Variants in CENPP observed in about 807,000 individuals in gnomAD.
CENPP encodes the protein centromere protein P.
In CENPP, 24 loss-of-function variants were observed where a neutral mutation model predicts 35.6. That is an observed-to-expected ratio of 0.67 (90% CI 0.49 to 0.95). The LOEUF (loss-of-function observed/expected upper bound fraction) is 0.95. Ranked by LOEUF, CENPP falls within the 40% of genes least tolerant of loss-of-function variation. CENPP has a pLI of 0.00. For missense variants in CENPP, 332 were observed against 345.3 expected (o/e 0.96, Z 0.31); for synonymous variants, 120 against 125.5 (o/e 0.96, Z 0.29).
intron 5 of CENPP, among the ~76,000 whole-genome samples, chr9:92,408,172 T>A (rs1337507427): frequency 2.0e-5 from 3 of 152,134 alleles, no homozygotes; most frequent in Non-Finnish European, 4.4e-5. Flanking sequence ...TCAAAACACC[T>A]GAGTTCTAGT....
intron 5 of CENPP, among the ~76,000 whole-genome samples, chr9:92,397,114 C>T (rs748279674): frequency 6.6e-6 from 1 of 151,906 alleles, no homozygotes; most frequent in East Asian, 2.0e-4. Context: ...GAGGTCAAGA[C>T]TGCAGTGAGC....
chr9:92,507,596 G>A (rs184558209), intron 5 of CENPP, among the ~76,000 whole-genome samples: 2 of 152,306 alleles, frequency 1.3e-5, no homozygotes, highest in East Asian at 1.9e-4. Flanking sequence ...TTCCATGGTG[G>A]GTGGTACCAT....
intron 5 of CENPP, among the ~76,000 whole-genome samples, chr9:92,549,642 G>A (rs1205007905): frequency 8.2e-6 from 1 of 121,294 alleles, no homozygotes. Context: ...GCATGACTCC[G>A]TCTCAAAAAA....
intron 5 of CENPP, among the ~76,000 whole-genome samples, chr9:92,409,338 G>C (rs1157811038): frequency 6.6e-6 from 1 of 152,100 alleles, no homozygotes; most frequent in Non-Finnish European, 1.5e-5. Flanking sequence ...AGGAAACCAG[G>C]GTTTTAGGTC....
intron 5 of CENPP, chr9:92,495,355 A>C: frequency 3.1e-6 from 3 of 964,898 alleles, no homozygotes; most frequent in Non-Finnish European, 2.5e-6. Flanking sequence ...GGTAGGGCCA[A>C]TACATAGTAA....
chr9:92,541,075 C>T (rs1358661382), intron 5 of CENPP, among the ~76,000 whole-genome samples: 1 of 151,908 alleles, frequency 6.6e-6, no homozygotes, highest in African/African-American at 2.4e-5. Flanking sequence ...GCCTGGCCAA[C>T]ATGGTGAAAC....
intron 5 of CENPP, among the ~76,000 whole-genome samples, chr9:92,439,253 C>G (rs1844323616): frequency 6.6e-6 from 1 of 152,000 alleles, no homozygotes; most frequent in Non-Finnish European, 1.5e-5. Flanking sequence ...GTAGACCTGG[C>G]TTTCTTGTCT....
intron 5 of CENPP, among the ~76,000 whole-genome samples, chr9:92,408,406 G>C (rs1272065348): frequency 6.6e-6 from 1 of 152,056 alleles, no homozygotes; most frequent in Non-Finnish European, 1.5e-5. Flanking sequence ...GGATGGTCTC[G>C]ATCTCTTGAT....
chr9:92,447,940 G>C (rs2131015158), intron 5 of CENPP, among the ~76,000 whole-genome samples: 1 of 152,296 alleles, frequency 6.6e-6, no homozygotes, highest in Middle Eastern at 3.4e-3. Flanking sequence ...CTGAAAGGTT[G>C]CTACTTTTGA....
chr9:92,516,950 C>G (rs1847764676), intron 5 of CENPP: 1 of 152,280 alleles, frequency 6.6e-6, no homozygotes. Context: ...CCTATCCCTT[C>G]CCAGCCAATT....
At chr9:92,360,525 C>G (rs1042680980) in intron 4 of CENPP, among the ~76,000 whole-genome samples, 2 of 151,994 alleles carry the variant, frequency 1.3e-5, no homozygotes, top group African/African-American at 4.8e-5. Flanking sequence ...TGTGATTATG[C>G]TATTGCACTT....
intron 5 of CENPP, among the ~76,000 whole-genome samples, chr9:92,492,602 C>T (rs1186771540): frequency 6.6e-6 from 1 of 152,112 alleles, no homozygotes; most frequent in African/African-American, 2.4e-5. Context: ...GTATCTTTCT[C>T]CCCTCGTTGG....
Position 92,447,064 on chromosome 9 carries a change from G to A in CENPP, c.564+67205G>A, listed in dbSNP as rs147537085. On this transcript the variant is annotated intron_variant, in intron 5 of 7. Transcript: ENST00000375587. ...TGAGTTGCTTGCATGATTCAGCTTC[G>A]AGCTTAACTTTTCCTCTTTAACATA... Among the ~76,000 whole-genome samples the A allele has an allele frequency of 1.0e-3, 155 of 152,056 alleles. 1 individual carries two copies. The highest frequency in any genetic ancestry group is 3.5e-3 in the African/African-American group (144 of 41,466).
chr9:92,477,359 C>T (rs959557595), intron 5 of CENPP, among the ~76,000 whole-genome samples: 2 of 152,162 alleles, frequency 1.3e-5, no homozygotes, highest in African/African-American at 4.8e-5. Context: ...GCTCCTGACT[C>T]CTTAAGGTTT....
rs570672067 is a variant in CENPP at position 92,374,053 on chromosome 9, G to A, written c.468-5710G>A. Among the ~76,000 whole-genome samples the A allele has an allele frequency of 4.1e-5, 6 of 147,570 alleles. No homozygotes were observed. In the South Asian group the frequency reaches 8.5e-4, roughly 21 times the overall value. Reference sequence around the variant, plus strand: ...CTTTTTTCCTGAAAATGTATCTATGGTGCTGGCTTGGTCTACCCCCAGTTG... The same window carrying A: ...CTTTTTTCCTGAAAATGTATCTATGATGCTGGCTTGGTCTACCCCCAGTTG... On this transcript the variant is annotated intron_variant, in intron 4 of 7. Transcript: ENST00000375587.
chr9:92,441,172 A>G (rs979711628), intron 5 of CENPP, among the ~76,000 whole-genome samples: 1 of 152,232 alleles, frequency 6.6e-6, no homozygotes, highest in Non-Finnish European at 1.5e-5. Flanking sequence ...CTTACATGGT[A>G]TGTAACTACA....
At chr9:92,376,120 T>G (rs1239711633) in intron 4 of CENPP, among the ~76,000 whole-genome samples, 1 of 152,200 alleles carries the variant, frequency 6.6e-6, no homozygotes, top group Non-Finnish European at 1.5e-5. Flanking sequence ...TATGCTCCCC[T>G]CAGATCTCTT....
chr9:92,600,626 G>A (rs1229200733), intron 5 of CENPP: 2 of 1,509,320 alleles, frequency 1.3e-6, no homozygotes, highest in Non-Finnish European at 1.8e-6. Flanking sequence ...CGCAAGTCAT[G>A]CCCTGGTCGG....
intron 5 of CENPP, among the ~76,000 whole-genome samples, chr9:92,601,715 G>A (rs1850924548): frequency 6.6e-6 from 1 of 152,248 alleles, no homozygotes; most frequent in Non-Finnish European, 1.5e-5. Flanking sequence ...ACTCTTGGGA[G>A]ACTGTAAATC....
Sources: allele counts gnomAD v4.1 joint callset (sites outside exome capture counted in the v4.1 genomes callset), GRCh38; gene constraint gnomAD v4.1.1; transcripts MANE v1.5; gene names NCBI Gene and HGNC (gene_info 2026-07-23, HGNC 2026-07-21).